BAZ1B: variants seen among roughly 807,000 people sequenced by gnomAD.
The protein encoded by BAZ1B is bromodomain adjacent to zinc finger domain 1B, also known as tyrosine-protein kinase BAZ1B.
Under a neutral mutation model 153.8 loss-of-function variants are expected in BAZ1B, and 22 were observed. That is an observed-to-expected ratio of 0.14 (90% confidence interval 0.10 to 0.20). The LOEUF is 0.20. Among genes scored for constraint, BAZ1B ranks in the 10% least tolerant of loss-of-function variants. The pLI is 1.00. For missense variants in BAZ1B, 1,325 were observed against 1,799.3 expected, an observed-to-expected ratio of 0.74 and a Z score of 4.77; for synonymous variants, 676 against 633.4, an observed-to-expected ratio of 1.07 and a Z score of -1.01.
At chr7:73,515,964 G>A (rs1312176481) in intron 1 of BAZ1B, among the ~76,000 whole-genome samples, 1 of 152,096 alleles carries the variant, frequency 6.6e-6, no homozygotes, top group African/African-American at 2.4e-5. Context: ...GGCCAACACG[G>A]TGAAACCCCG....
At chr7:73,518,145 T>G (rs1236450543) in intron 1 of BAZ1B, among the ~76,000 whole-genome samples, 1 of 151,678 alleles carries the variant, frequency 6.6e-6, no homozygotes, top group Non-Finnish European at 1.5e-5. Flanking sequence ...CTCACGTCTG[T>G]AATCCCAGAA....
chr7:73,461,539 G>C (rs1333623819), intron 12 of BAZ1B, among the ~76,000 whole-genome samples: 1 of 151,906 alleles, frequency 6.6e-6, no homozygotes, highest in Non-Finnish European at 1.5e-5. Flanking sequence ...AAGATCCTTT[G>C]GGTTCAATAA....
In BAZ1B at chr7:73,442,505, C is replaced by T. The variant is rs782078494; in HGVS notation, c.4143G>A (p.Thr1381=). The change falls in exon 19 of 20, where the codon ACG becomes ACA. Residue 1381 remains threonine, a synonymous_variant. Transcript: ENST00000339594. Reference sequence around the variant, plus strand: ...GCACTGTCTGAAAGTCCATGGGGTGCGTGATCACATCATAGTAGTCCTCGG... The same window carrying T: ...GCACTGTCTGAAAGTCCATGGGGTGTGTGATCACATCATAGTAGTCCTCGG... ...DEAEDYYDVI[T]HPMDFQTVQN... The T allele has an allele frequency of 1.8e-5, 29 of 1,613,956 alleles. No individual in the cohort carries two copies. The highest frequency in any genetic ancestry group is 1.9e-5 in the Non-Finnish European group (22 of 1,180,022).
Position 73,473,409 on chromosome 7 carries a change from T to C in BAZ1B, c.2594-2926A>G, listed in dbSNP as rs78923239. Reference sequence around the variant, plus strand: ...CTCTACTAAAAATACAAAAATTAGCTGAGTGTGGTAGCAGATGCCTTGTTA... The same window carrying C: ...CTCTACTAAAAATACAAAAATTAGCCGAGTGTGGTAGCAGATGCCTTGTTA... On this transcript the variant is annotated intron_variant, in intron 7 of 19. Coordinates refer to ENST00000339594, the MANE Select transcript of BAZ1B (RefSeq NM_032408.4). Among the ~76,000 whole-genome samples, 292 of 152,198 alleles carry C rather than the reference T, an allele frequency of 1.9e-3. 1 individual carries two copies. Among genetic ancestry groups the C allele is most frequent in the Admixed American group, 4.9e-3 (75 of 15,290 alleles).
chr7:73,479,235 G>C (rs965797249), intron 6 of BAZ1B, among the ~76,000 whole-genome samples: 1 of 151,990 alleles, frequency 6.6e-6, no homozygotes, highest in Non-Finnish European at 1.5e-5. Flanking sequence ...CTGGCCAGGC[G>C]CAGTGGCTCA....
At chr7:73,454,798 A>G (rs1583890659) in intron 13 of BAZ1B, among the ~76,000 whole-genome samples, 1 of 152,130 alleles carries the variant, frequency 6.6e-6, no homozygotes, top group East Asian at 1.9e-4. Flanking sequence ...TGGTCACACC[A>G]CAGTAAGCGT....
chr7:73,486,739 G>A (rs1336351862), intron 6 of BAZ1B, among the ~76,000 whole-genome samples: 1 of 152,186 alleles, frequency 6.6e-6, no homozygotes, highest in Non-Finnish European at 1.5e-5. Flanking sequence ...AGTATACAGA[G>A]AGAGAAAACA....
At chr7:73,467,065 T>C (rs1788617502) in intron 9 of BAZ1B, among the ~76,000 whole-genome samples, 1 of 152,188 alleles carries the variant, frequency 6.6e-6, no homozygotes, top group Non-Finnish European at 1.5e-5. Flanking sequence ...CCCGAGTGGC[T>C]GGGATTACAG....
intron 3 of BAZ1B, among the ~76,000 whole-genome samples, chr7:73,505,237 ATT>A (rs1790288808): frequency 2.0e-5 from 3 of 152,176 alleles, no homozygotes; most frequent in East Asian, 3.9e-4. Context: ...TTCTGGAAAG[ATT>A]TTCTTAGCCT....
chr7:73,469,373 A>G, intron 9 of BAZ1B, 144 bp downstream of exon 9: 2 of 987,766 alleles, frequency 2.0e-6, no homozygotes, highest in Non-Finnish European at 1.5e-6. Flanking sequence ...TACACATTTC[A>G]CATCTACCTA....
rs552874817 is a variant in BAZ1B, at chr7:73,477,677, A to G, written c.1784T>C (p.Leu595Ser). Residue 595 changes from leucine to serine, a missense_variant, in exon 7 of 20, where the codon TTG becomes TCG. Coordinates refer to ENST00000339594, the MANE Select transcript of BAZ1B (RefSeq NM_032408.4). The surrounding 1 kb of genome is among the most constrained non-coding windows in gnomAD (Gnocchi z 5.6). Reference sequence around the variant, plus strand: ...GGGCAGCCCTTCAGGGGTATCCACCAATCTGAATGCTGGAAGGTTTTTGCC... The same window carrying G: ...GGGCAGCCCTTCAGGGGTATCCACCGATCTGAATGCTGGAAGGTTTTTGCC... Reference protein sequence around the residue: ...LTGKNLPAFRLVDTPEGLPNT... With the variant: ...LTGKNLPAFRSVDTPEGLPNT... The G allele has an allele frequency of 6.2e-7, 1 of 1,614,188 alleles. No homozygotes were observed. The highest frequency in any genetic ancestry group is 2.2e-5 in the East Asian group (1 of 44,890).
chr7:73,465,027 A>C (rs966470955), intron 11 of BAZ1B, among the ~76,000 whole-genome samples: 4 of 152,042 alleles, frequency 2.6e-5, no homozygotes, highest in Non-Finnish European at 5.9e-5. Context: ...GAGCCACCGC[A>C]CAAGGCCTGG....
intron 9 of BAZ1B, among the ~76,000 whole-genome samples, chr7:73,467,247 T>C (rs1340965651): frequency 6.6e-6 from 1 of 152,166 alleles, no homozygotes; most frequent in East Asian, 1.9e-4. Context: ...CCACAATATT[T>C]GAAGCCTTAC....
At chr7:73,472,064 G>C (rs1788825534) in intron 7 of BAZ1B, among the ~76,000 whole-genome samples, 1 of 151,968 alleles carries the variant, frequency 6.6e-6, no homozygotes, top group African/African-American at 2.4e-5. Context: ...TACTGATCTT[G>C]GTAAAACACT....
In BAZ1B at chr7:73,478,278, C is replaced by T. The variant is rs781946649; in HGVS notation, c.1183G>A (p.Gly395Arg). Residue 395 changes from glycine (G) to arginine (R), a missense_variant, in exon 7 of 20, where the codon GGG becomes AGG. Gly to Arg is a moderately radical substitution (Grantham distance 125). Around this residue, in one of 9 missense-constraint regions of BAZ1B, gnomAD observed 219 missense variants for 248.2 expected, o/e 0.88. Transcript: ENST00000339594. ...TTCAAAGGCTTGTCACTGTGCTTCC[C>T]TGGTTTCTTGGCAGGTGGGCCTTTT... ...PKKGPPAKKP[G>R]KHSDKPLKAK... 2.4e-5 allele frequency: 38 copies of T among 1,614,034 alleles called. No homozygotes were observed. The South Asian group carries it at 3.8e-4, about 16-fold the overall frequency.
intron 6 of BAZ1B, among the ~76,000 whole-genome samples, chr7:73,484,158 C>A (rs900999104): frequency 2.6e-5 from 4 of 151,912 alleles, no homozygotes; most frequent in Non-Finnish European, 5.9e-5. Flanking sequence ...CCCAGCTACT[C>A]GGGAGGCTGA....
At chr7:73,453,727 G>A (rs1474673792) in intron 13 of BAZ1B, among the ~76,000 whole-genome samples, 1 of 152,212 alleles carries the variant, frequency 6.6e-6, no homozygotes, top group African/African-American at 2.4e-5. Flanking sequence ...GCTCCTGCCT[G>A]TAATCCTAGC....
intron 4 of BAZ1B, among the ~76,000 whole-genome samples, chr7:73,493,855 A>AAGAG (rs1253548295): frequency 6.6e-6 from 1 of 150,766 alleles, no homozygotes; most frequent in African/African-American, 2.5e-5. Flanking sequence ...AAAAAAAAAA[A>AAGAG]AGAGAGAGAG....
In BAZ1B at chr7:73,478,054, T is replaced by A. The variant is rs1478538562; in HGVS notation, c.1407A>T (p.Lys469Asn). The A allele has an allele frequency of 6.2e-7, 1 of 1,614,132 alleles. No individual in the cohort carries two copies. The highest frequency in any genetic ancestry group is 1.7e-5 in the Admixed American group (1 of 60,008). The change falls in exon 7 of 20, where the codon AAA becomes AAT. Residue 469 changes from lysine (K) to asparagine (N), a missense_variant. This residue lies in a region of BAZ1B where 219 missense variants were observed against 248.2 expected (regional missense o/e 0.88). Coordinates refer to ENST00000339594, the MANE Select transcript of BAZ1B (RefSeq NM_032408.4). ...GGTGTAGGGCTGCAGGAGGCAGATG[T>A]TTATGAGGTTTACTAGAGGTCCTAG... ...GTPRTSSKPHKHLPPAALHLI... is the reference protein window; with the variant it reads ...GTPRTSSKPHNHLPPAALHLI...
Sources: gnomAD v4.1 joint callset for allele counts (sites outside exome capture counted in the v4.1 genomes callset) on GRCh38, gnomAD v4.1.1 for gene constraint, gnomAD v4.1.1 regional missense constraint, Gnocchi (gnomAD v3.1) non-coding constraint, MANE v1.5 for transcripts, NCBI Gene and HGNC (gene_info 2026-07-23, HGNC 2026-07-21) for gene names.